Variants in MARCHF4 observed in about 807,000 individuals in gnomAD.
MARCHF4 encodes membrane associated ring-CH-type finger 4.
MARCHF4 carries 14 observed loss-of-function variants against 43.9 expected under a neutral mutation model. The observed-to-expected ratio is 0.32, with a 90% CI of 0.21 to 0.50. MARCHF4 has a LOEUF of 0.50. Among genes scored for constraint, MARCHF4 ranks in the 20% least tolerant of loss-of-function variants. The pLI is 0.98. For missense variants in MARCHF4, 468 were observed against 536.7 expected, an observed-to-expected ratio of 0.87 and a Z score of 1.27; for synonymous variants, 226 against 213.3, an observed-to-expected ratio of 1.06 and a Z score of -0.52.
At chr2:216,325,478 A>G (rs1559100100) in intron 1 of MARCHF4, among the ~76,000 whole-genome samples, 1 of 152,152 alleles carries the variant, frequency 6.6e-6, no homozygotes, top group African/African-American at 2.4e-5. Flanking sequence ...TAAAGTTCAT[A>G]TGGAACCAAA....
intron 1 of MARCHF4, among the ~76,000 whole-genome samples, chr2:216,328,998 TG>T (rs1326612572): frequency 6.6e-6 from 1 of 152,030 alleles, no homozygotes; most frequent in Non-Finnish European, 1.5e-5. Flanking sequence ...AGATTTTGCC[TG>T]AGCAACAAGA....
At chr2:216,347,525 G>GAC (rs1238240407) in intron 1 of MARCHF4, among the ~76,000 whole-genome samples, 1 of 151,980 alleles carries the variant, frequency 6.6e-6, no homozygotes, top group Non-Finnish European at 1.5e-5. Flanking sequence ...TTTGAAAAAT[G>GAC]CCGACCAGCC....
intron 1 of MARCHF4, among the ~76,000 whole-genome samples, chr2:216,315,541 A>G (rs1431291154): frequency 1.3e-5 from 2 of 152,210 alleles, no homozygotes; most frequent in East Asian, 3.8e-4. Flanking sequence ...TATTCATACA[A>G]TGGAATACAG....
At chr2:216,286,629 G>C (rs1387865197) in intron 1 of MARCHF4, among the ~76,000 whole-genome samples, 1 of 152,198 alleles carries the variant, frequency 6.6e-6, no homozygotes, top group East Asian at 1.9e-4. Context: ...TTTGCTGTGG[G>C]GGTTGGGTGG....
chr2:216,306,734 T>C (rs2105953280), intron 1 of MARCHF4, among the ~76,000 whole-genome samples: 1 of 152,298 alleles, frequency 6.6e-6, no homozygotes, highest in Admixed American at 6.5e-5. Flanking sequence ...CCCCATTTTA[T>C]AGATAAGTGA....
intron 1 of MARCHF4, among the ~76,000 whole-genome samples, chr2:216,330,061 C>G (rs902383517): frequency 1.3e-5 from 2 of 151,626 alleles, no homozygotes; most frequent in African/African-American, 4.9e-5. Context: ...TCACTGTACT[C>G]TAGCCTGGGC....
At chr2:216,289,234 C>A (rs781575535) in intron 1 of MARCHF4, among the ~76,000 whole-genome samples, 3 of 87,066 alleles carry the variant, frequency 3.4e-5, no homozygotes, top group Admixed American at 1.0e-4. Flanking sequence ...TTCTTCCCCA[C>A]CCGCCCCCCA....
At chr2:216,362,490 A>G (rs992499604) in intron 1 of MARCHF4, among the ~76,000 whole-genome samples, 1 of 152,254 alleles carries the variant, frequency 6.6e-6, no homozygotes, top group African/African-American at 2.4e-5. Context: ...AATCACATCC[A>G]AAACAATCTT....
intron 1 of MARCHF4, among the ~76,000 whole-genome samples, chr2:216,288,559 C>T (rs916063151): frequency 1.3e-4 from 20 of 152,174 alleles, no homozygotes; most frequent in African/African-American, 4.6e-4. Flanking sequence ...TGACTTCTAG[C>T]CCAAGATTGT....
intron 1 of MARCHF4, among the ~76,000 whole-genome samples, chr2:216,353,668 C>T (rs1382254294): frequency 6.6e-6 from 1 of 152,170 alleles, no homozygotes; most frequent in Non-Finnish European, 1.5e-5. Flanking sequence ...TTGCCTCAGC[C>T]TCCTGAGTAG....
At chr2:216,340,401 C>G (rs540251080) in intron 1 of MARCHF4, among the ~76,000 whole-genome samples, 32 of 152,306 alleles carry the variant, frequency 2.1e-4, no homozygotes, top group Admixed American at 1.9e-3. Context: ...CACAGGCCTC[C>G]CTGGCTCTCC....
intron 1 of MARCHF4, among the ~76,000 whole-genome samples, chr2:216,322,880 G>C (rs1478289633): frequency 2.6e-5 from 4 of 152,140 alleles, no homozygotes; most frequent in African/African-American, 9.7e-5. Flanking sequence ...GGGTCAGAGT[G>C]CATTTTGTTG....
At chr2:216,365,376 T>C (rs1692648476) in intron 1 of MARCHF4, among the ~76,000 whole-genome samples, 1 of 152,180 alleles carries the variant, frequency 6.6e-6, no homozygotes, top group Non-Finnish European at 1.5e-5. Flanking sequence ...CCAGAACAGG[T>C]GGCCTCCCAC....
At chr2:216,327,679 A>G (rs1400988863) in intron 1 of MARCHF4, among the ~76,000 whole-genome samples, 1 of 152,232 alleles carries the variant, frequency 6.6e-6, no homozygotes, top group African/African-American at 2.4e-5. Flanking sequence ...ATGCTTTAGC[A>G]AGAGCCATGA....
At chr2:216,290,214 G>C (rs948490835) in intron 1 of MARCHF4, among the ~76,000 whole-genome samples, 10 of 152,126 alleles carry the variant, frequency 6.6e-5, no homozygotes, top group Non-Finnish European at 1.5e-4. Flanking sequence ...TCCTACATAG[G>C]GTGACTGTGT....
chr2:216,339,212 T>C (rs1411359020), intron 1 of MARCHF4, among the ~76,000 whole-genome samples: 3 of 152,198 alleles, frequency 2.0e-5, no homozygotes, highest in Non-Finnish European at 4.4e-5. Context: ...ACAGCAGTCT[T>C]GTCATTCTAG....
At chr2:216,344,570 G>A (rs1041067425) in intron 1 of MARCHF4, among the ~76,000 whole-genome samples, 1 of 152,112 alleles carries the variant, frequency 6.6e-6, no homozygotes. Flanking sequence ...TAATGTTCAG[G>A]GGAATCAAGG....
At chr2:216,274,819 ATG>A (rs879941926) in intron 3 of MARCHF4, among the ~76,000 whole-genome samples, 2,015 of 152,316 alleles carry the variant, frequency 0.013, 26 homozygotes, top group Non-Finnish European at 0.023. Context: ...AATCTGAAAA[ATG>A]GGAAGACGAA....
At chr2:216,286,642 T>A (rs746471946) in intron 1 of MARCHF4, among the ~76,000 whole-genome samples, 1 of 152,180 alleles carries the variant, frequency 6.6e-6, no homozygotes, top group Non-Finnish European at 1.5e-5. Flanking sequence ...TTGGGTGGAA[T>A]CCAGAGAAAC....
Sources: gnomAD v4.1 joint callset for allele counts (sites outside exome capture counted in the v4.1 genomes callset) on GRCh38, gnomAD v4.1.1 for gene constraint, MANE v1.5 for transcripts, NCBI Gene and HGNC (gene_info 2026-07-23, HGNC 2026-07-21) for gene names.